Variants in EYS observed in about 807,000 individuals in gnomAD.
EYS encodes the protein protein eyes shut homolog.
In EYS, 250 loss-of-function variants were observed where a neutral mutation model predicts 282.1. That is an observed-to-expected ratio of 0.89 (90% CI 0.80 to 0.98). The LOEUF (loss-of-function observed/expected upper bound fraction) is 0.98, where lower values mean the gene tolerates loss of function less well. EYS is among the 50% of genes least tolerant of loss of function. The probability of loss-of-function intolerance (pLI) is 0.00; values close to 1 mark genes in which losing one functional copy is unlikely to be tolerated. For synonymous variants in EYS, 1,355 were observed against 1,282.9 expected (o/e 1.06, Z -1.20); for missense variants, 4,016 against 3,709.0 (o/e 1.08, Z -2.15).
chr6:65,453,195 G>A (rs1288837123), intron 5 of EYS, among the ~76,000 whole-genome samples: 1 of 151,968 alleles, frequency 6.6e-6, no homozygotes, highest in Non-Finnish European at 1.5e-5. Context: ...AACTATTTAT[G>A]TATTTAACTT....
intron 26 of EYS, among the ~76,000 whole-genome samples, chr6:64,524,471 T>C (rs552441404): frequency 2.0e-5 from 3 of 152,074 alleles, no homozygotes; most frequent in Middle Eastern, 3.4e-3. Context: ...CGTAAGCTCT[T>C]AAGTTTAATT....
intron 26 of EYS, among the ~76,000 whole-genome samples, chr6:64,583,909 A>G (rs1287648961): frequency 6.6e-6 from 1 of 152,182 alleles, no homozygotes; most frequent in Non-Finnish European, 1.5e-5. Context: ...AATTTCATTA[A>G]AAATATGTAG....
At chr6:65,668,664 G>A (rs746372111) in intron 1 of EYS, among the ~76,000 whole-genome samples, 4 of 151,832 alleles carry the variant, frequency 2.6e-5, no homozygotes, top group Non-Finnish European at 5.9e-5. Flanking sequence ...CAGCTTTACT[G>A]AGTCATATCT....
chr6:64,221,105 A>G (rs1766086563), intron 31 of EYS, among the ~76,000 whole-genome samples: 1 of 152,204 alleles, frequency 6.6e-6, no homozygotes, highest in African/African-American at 2.4e-5. Flanking sequence ...AATGCATGAA[A>G]AGAGTTTAGG....
At chr6:64,157,251 C>A (rs113859088) in intron 31 of EYS, among the ~76,000 whole-genome samples, 1 of 152,032 alleles carries the variant, frequency 6.6e-6, no homozygotes, top group Non-Finnish European at 1.5e-5. Context: ...GCATAGTATT[C>A]CATGGTGTAT....
chr6:65,611,148 A>T (rs1427291128), intron 2 of EYS, among the ~76,000 whole-genome samples: 2 of 151,474 alleles, frequency 1.3e-5, no homozygotes. Context: ...TTTTTGAATC[A>T]AATAACCGTG....
At chr6:64,701,046 A>C (rs1770768742) in intron 22 of EYS, among the ~76,000 whole-genome samples, 1 of 151,560 alleles carries the variant, frequency 6.6e-6, no homozygotes, top group South Asian at 2.1e-4. Context: ...AAACAGAATA[A>C]AGAACCCAGA....
At chr6:64,102,125 T>TA (rs1324966858) in intron 31 of EYS, among the ~76,000 whole-genome samples, 1 of 152,160 alleles carries the variant, frequency 6.6e-6, no homozygotes, top group African/African-American at 2.4e-5. Context: ...GCCCGGGTGC[T>TA]AGGAACCCCT....
At chr6:63,873,093 G>A (rs912543650) in intron 35 of EYS, among the ~76,000 whole-genome samples, 37 of 152,006 alleles carry the variant, frequency 2.4e-4, no homozygotes, top group African/African-American at 8.7e-4. Flanking sequence ...ATGTTGGTGT[G>A]CTGCACCCAT....
intron 19 of EYS, among the ~76,000 whole-genome samples, chr6:64,884,081 A>G (rs930854579): frequency 3.3e-5 from 5 of 151,602 alleles, no homozygotes; most frequent in African/African-American, 9.7e-5. Context: ...TGTACATATT[A>G]TTTAATGTGT....
At chr6:65,056,803 G>A (rs1201143406) in intron 13 of EYS, among the ~76,000 whole-genome samples, 3 of 151,742 alleles carry the variant, frequency 2.0e-5, no homozygotes, top group Non-Finnish European at 2.9e-5. Flanking sequence ...CAGACATTGT[G>A]GTATTTAAAT....
chr6:65,550,141 A>ACCTTTTTTTTTTT (rs1768552547), intron 2 of EYS, among the ~76,000 whole-genome samples: 1 of 7,206 alleles, frequency 1.4e-4, no homozygotes, highest in Non-Finnish European at 2.0e-4. Flanking sequence ...ACTCTACTAT[A>ACCTTTTTTTTTTT]TCTTTTTTTT....
intron 19 of EYS, among the ~76,000 whole-genome samples, chr6:64,856,771 C>T (rs1766075392): frequency 6.6e-6 from 1 of 152,046 alleles, no homozygotes; most frequent in South Asian, 2.1e-4. Context: ...TTATAAGTTT[C>T]CAACTTATGT....
At chr6:64,826,201 C>A (rs893123036) in intron 19 of EYS, among the ~76,000 whole-genome samples, 3 of 151,868 alleles carry the variant, frequency 2.0e-5, no homozygotes, top group Non-Finnish European at 4.4e-5. Flanking sequence ...CCACCTCAAT[C>A]ACAGCATAGC....
intron 12 of EYS, among the ~76,000 whole-genome samples, chr6:65,260,529 T>C (rs1767593103): frequency 6.6e-6 from 1 of 152,132 alleles, no homozygotes. Flanking sequence ...AAAGCTTTTC[T>C]TCTCTCATTA....
At chr6:64,390,487 C>A (rs1259128658) in intron 28 of EYS, among the ~76,000 whole-genome samples, 2 of 151,546 alleles carry the variant, frequency 1.3e-5, no homozygotes, top group African/African-American at 2.4e-5. Flanking sequence ...AGCAGCCTAA[C>A]TGGGAGGCAC....
chr6:65,062,022 T>A (rs184596934), intron 12 of EYS, among the ~76,000 whole-genome samples: 1 of 152,070 alleles, frequency 6.6e-6, no homozygotes, highest in African/African-American at 2.4e-5. Context: ...TATTCATTCT[T>A]TCATTTGAAA....
intron 26 of EYS, among the ~76,000 whole-genome samples, chr6:64,516,247 C>G (rs1428030451): frequency 6.6e-6 from 1 of 151,166 alleles, no homozygotes; most frequent in Admixed American, 6.6e-5. Context: ...ATGAAATAAT[C>G]TCTACAAAAA....
At chr6:64,675,964 T>C (rs535457698) in intron 22 of EYS, among the ~76,000 whole-genome samples, 32 of 150,628 alleles carry the variant, frequency 2.1e-4, no homozygotes, top group Middle Eastern at 3.5e-3. Context: ...TCTATCGATA[T>C]ATCTATTGAT....
Sources: allele counts gnomAD v4.1 joint callset (sites outside exome capture counted in the v4.1 genomes callset), GRCh38; gene constraint gnomAD v4.1.1; transcripts MANE v1.5; gene names NCBI Gene and HGNC (gene_info 2026-07-23, HGNC 2026-07-21).